Variants in AUTS2 observed in about 807,000 individuals in gnomAD.
The protein encoded by AUTS2 is autism susceptibility gene 2 protein.
A neutral mutation model predicts 112.4 loss-of-function variants in AUTS2; 17 were observed. That is an observed-to-expected ratio of 0.15 (90% CI 0.10 to 0.23). AUTS2 has a LOEUF of 0.23. Among genes scored for constraint, AUTS2 ranks in the 10% least tolerant of loss-of-function variants. The probability of loss-of-function intolerance (pLI) is 1.00; values close to 1 mark genes in which losing one functional copy is unlikely to be tolerated. For missense variants in AUTS2, 1,510 were observed against 1,701.6 expected (o/e 0.89, Z 1.98); for synonymous variants, 751 against 702.7 (o/e 1.07, Z -1.09).
intron 1 of AUTS2, among the ~76,000 whole-genome samples, chr7:69,737,521 G>A (rs1474137693): frequency 1.3e-5 from 2 of 152,044 alleles, no homozygotes; most frequent in Non-Finnish European, 2.9e-5. Context: ...CCAGAACCTG[G>A]TCTGCTCCTC....
chr7:70,668,795 T>C (rs1292112928), intron 5 of AUTS2, among the ~76,000 whole-genome samples: 3 of 152,178 alleles, frequency 2.0e-5, no homozygotes, highest in Admixed American at 2.0e-4. Context: ...GAAAATAGAC[T>C]TTACTCTTGT....
intron 4 of AUTS2, among the ~76,000 whole-genome samples, chr7:70,306,932 A>G (rs1487796096): frequency 6.6e-6 from 1 of 152,206 alleles, no homozygotes. Context: ...CTCACTATCT[A>G]TAATCAAATT....
chr7:70,665,374 C>T (rs982203490), intron 5 of AUTS2, among the ~76,000 whole-genome samples: 2 of 152,114 alleles, frequency 1.3e-5, no homozygotes, highest in African/African-American at 4.8e-5. Context: ...AGTGATCCTC[C>T]CGCCTCAGTC....
chr7:70,745,734 T>C (rs1426027986), intron 6 of AUTS2, among the ~76,000 whole-genome samples: 1 of 152,230 alleles, frequency 6.6e-6, no homozygotes, highest in Non-Finnish European at 1.5e-5. Context: ...TATTAGAATC[T>C]TTTATGATTT....
intron 2 of AUTS2, among the ~76,000 whole-genome samples, chr7:70,017,533 A>T (rs1800082283): frequency 6.6e-6 from 1 of 152,214 alleles, no homozygotes; most frequent in South Asian, 2.1e-4. Context: ...AATGCCCGTG[A>T]CTTGTGCAAA....
chr7:70,764,987 G>A lies in AUTS2; in HGVS notation c.1450G>A (p.Ala484Thr). The A allele has an allele frequency of 1.2e-6, 2 of 1,613,832 alleles. No individual in the cohort carries two copies. The highest frequency in any genetic ancestry group is 1.1e-5 in the South Asian group (1 of 91,046). ...AAGTCTGCAGGTGGCCGGACACCCGGCCGGGAGCACTTACTCAGGTAGGAC... is the reference window on the plus strand; with the variant it reads ...AAGTCTGCAGGTGGCCGGACACCCGACCGGGAGCACTTACTCAGGTAGGAC... ...SGSLQVAGHPAGSTYSEQDIL... is the reference protein window; with the variant it reads ...SGSLQVAGHPTGSTYSEQDIL... Residue 484 changes from alanine (A) to threonine (T), a missense_variant, in exon 8 of 19, where the codon GCC (alanine) becomes ACC (threonine). Physicochemically the swap from Ala to Thr is moderately conservative, Grantham distance 58. Around this residue, in one of 3 missense-constraint regions of AUTS2, gnomAD observed 187 missense variants for 309.7 expected, o/e 0.60. Transcript: ENST00000342771.
intron 5 of AUTS2, among the ~76,000 whole-genome samples, chr7:70,533,612 C>G (rs879738165): frequency 1.3e-5 from 2 of 152,178 alleles, no homozygotes; most frequent in Admixed American, 6.5e-5. Flanking sequence ...GGAACTAGCT[C>G]GTGTTTAATG....
At chr7:70,537,971 A>C (rs1800390094) in intron 5 of AUTS2, among the ~76,000 whole-genome samples, 1 of 152,234 alleles carries the variant, frequency 6.6e-6, no homozygotes, top group Non-Finnish European at 1.5e-5. Flanking sequence ...AAATGAGGCC[A>C]GGCATGGTGG....
intron 6 of AUTS2, among the ~76,000 whole-genome samples, chr7:70,739,898 A>G (rs997209623): frequency 6.6e-6 from 1 of 151,642 alleles, no homozygotes; most frequent in Non-Finnish European, 1.5e-5. Context: ...ATACAAGTCT[A>G]CTTCCTCTTA....
At chr7:69,774,471 C>T (rs569588782) in intron 1 of AUTS2, among the ~76,000 whole-genome samples, 1 of 152,294 alleles carries the variant, frequency 6.6e-6, no homozygotes, top group South Asian at 2.1e-4. Context: ...AAGATCACCG[C>T]ATGAATGCGA....
At chr7:70,338,508 A>G (rs1231922384) in intron 4 of AUTS2, among the ~76,000 whole-genome samples, 1 of 152,238 alleles carries the variant, frequency 6.6e-6, no homozygotes, top group African/African-American at 2.4e-5. Context: ...CCTACATTGT[A>G]TAATTGTTAT....
chr7:70,576,548 C>A (rs1454390633), intron 5 of AUTS2, among the ~76,000 whole-genome samples: 3 of 152,154 alleles, frequency 2.0e-5, no homozygotes, highest in Admixed American at 1.3e-4. Flanking sequence ...TGACTTTCTG[C>A]TAAGACACAC....
intron 6 of AUTS2, among the ~76,000 whole-genome samples, chr7:70,738,959 A>G (rs1787932639): frequency 6.9e-6 from 1 of 145,902 alleles, no homozygotes. Flanking sequence ...GAAGGTTTTA[A>G]CTTAACTTTC....
chr7:70,732,696 G>A lies in AUTS2; in HGVS notation c.743-30174G>A, dbSNP rs1057017664. 9.9e-5 allele frequency among the ~76,000 whole-genome samples: 15 copies of A among 152,242 alleles called. No individual in the cohort carries two copies. The South Asian group carries it at 1.2e-3, about 13-fold the overall frequency. On this transcript the variant is annotated intron_variant, in intron 6 of 18. Transcript: ENST00000342771. ...GGCCCAGCTTTCCCTTTAACAATTT[G>A]TCATCTTATACATCACCAGATTCCA... is the stretch of plus-strand genomic sequence containing the variant.
chr7:69,922,342 T>A (rs180884970), intron 2 of AUTS2, among the ~76,000 whole-genome samples: 1 of 152,324 alleles, frequency 6.6e-6, no homozygotes, highest in East Asian at 1.9e-4. Context: ...CATAAGCTGA[T>A]CCTTTCTTTG....
At chr7:70,198,408 A>G (rs1227276086) in intron 4 of AUTS2, among the ~76,000 whole-genome samples, 1 of 152,052 alleles carries the variant, frequency 6.6e-6, no homozygotes, top group African/African-American at 2.4e-5. Context: ...ACGGGATAAC[A>G]TTCAAACCAA....
At chr7:69,853,129 A>G (rs1296316735) in intron 1 of AUTS2, among the ~76,000 whole-genome samples, 3 of 152,204 alleles carry the variant, frequency 2.0e-5, no homozygotes, top group South Asian at 2.1e-4. Flanking sequence ...GTAGTGTGCT[A>G]TAAATGTCAG....
intron 1 of AUTS2, among the ~76,000 whole-genome samples, chr7:69,898,711 G>T (rs576757239): frequency 6.6e-6 from 1 of 152,082 alleles, no homozygotes; most frequent in Non-Finnish European, 1.5e-5. Context: ...TGATAATATT[G>T]TTGTTACATT....
intron 4 of AUTS2, among the ~76,000 whole-genome samples, chr7:70,386,539 C>A (rs1055974861): frequency 6.6e-6 from 1 of 152,130 alleles, no homozygotes; most frequent in Non-Finnish European, 1.5e-5. Context: ...CAGACCCTGG[C>A]AATCACTAAT....
Sources: allele counts gnomAD v4.1 joint callset (sites outside exome capture counted in the v4.1 genomes callset), GRCh38; gene constraint gnomAD v4.1.1; regional missense constraint gnomAD v4.1.1; transcripts MANE v1.5; gene names NCBI Gene and HGNC (gene_info 2026-07-23, HGNC 2026-07-21).